Variants in CLEC20A observed in about 807,000 individuals in gnomAD.
The protein encoded by CLEC20A is C-type lectin domain containing 20A.
upstream of CLEC20A, among the ~76,000 whole-genome samples, chr1:178,498,193 G>A (rs752915524): frequency 4.6e-5 from 7 of 151,982 alleles, no homozygotes; most frequent in East Asian, 1.9e-4. Flanking sequence ...GCTTTTCAGT[G>A]AATACACTGA....
chr1:178,485,943 A>G (rs1649130741), intron 5 of CLEC20A, among the ~76,000 whole-genome samples: 1 of 152,188 alleles, frequency 6.6e-6, no homozygotes, highest in Admixed American at 6.5e-5. Flanking sequence ...ACATTTCACT[A>G]GAGAACTGAG....
chr1:178,494,748 C>T (rs1350265659), exon 2 of CLEC20A: 19 of 399,132 alleles, frequency 4.8e-5, no homozygotes, highest in Non-Finnish European at 7.1e-5. Context: ...TGCTGGGCGT[C>T]GTACCAGCTC....
exon 4 of CLEC20A, chr1:178,490,325 C>G (rs1265339645): frequency 2.5e-6 from 1 of 398,592 alleles, no homozygotes; most frequent in African/African-American, 2.1e-5. Context: ...CATCCGTCAC[C>G]ATCTGCAGGT....
chr1:178,483,272 A>G (rs532356788), exon 6 of CLEC20A: 1 of 398,586 alleles, frequency 2.5e-6, no homozygotes, highest in East Asian at 3.6e-5. Flanking sequence ...CACTCCCTAC[A>G]CTGGCCACAG....
At chr1:178,486,424 A>C (rs967723379) in intron 5 of CLEC20A, 18 of 398,744 alleles carry the variant, frequency 4.5e-5, no homozygotes, top group African/African-American at 3.1e-4. Flanking sequence ...CCAGCGACGC[A>C]GACAGGCACC....
At chr1:178,492,661 G>A (rs1649292994) in intron 2 of CLEC20A, 95 bp from the exon 3 acceptor site, 9 of 398,184 alleles carry the variant, frequency 2.3e-5, no homozygotes. Context: ...CTAGCTCAGG[G>A]GCAGACAGGC....
chr1:178,488,783 C>G (rs1299341526), intron 4 of CLEC20A, among the ~76,000 whole-genome samples, 184 bp from the exon 5 acceptor site: 1 of 152,232 alleles, frequency 6.6e-6, no homozygotes, highest in African/African-American at 2.4e-5. Flanking sequence ...ATCTCTAATC[C>G]TCACAGCAAG....
chr1:178,491,256 C>T (rs1438573731), intron 3 of CLEC20A, among the ~76,000 whole-genome samples: 2 of 152,184 alleles, frequency 1.3e-5, no homozygotes, highest in Admixed American at 6.5e-5. Flanking sequence ...TTGCCAACGA[C>T]GTGAGTGGCT....
upstream of CLEC20A, among the ~76,000 whole-genome samples, chr1:178,497,931 A>C (rs1315506382): frequency 6.6e-6 from 1 of 152,022 alleles, no homozygotes. Context: ...TCAGAGGAGC[A>C]AGGGGCAGAA....
At chr1:178,479,835 A>C in intron 7 of CLEC20A, 1 of 329,454 alleles carries the variant, frequency 3.0e-6, no homozygotes, top group Non-Finnish European at 5.4e-6. Context: ...GACAAAGAAC[A>C]CTAAAACAGA....
chr1:178,486,888 G>C (rs911366359), intron 5 of CLEC20A: 1 of 398,100 alleles, frequency 2.5e-6, no homozygotes, highest in African/African-American at 2.1e-5. Context: ...CCGAAGGGCC[G>C]GGTGTTACCG....
At chr1:178,498,082 C>A (rs534945953), upstream of CLEC20A, among the ~76,000 whole-genome samples, 1 of 152,080 alleles carries the variant, frequency 6.6e-6, no homozygotes, top group African/African-American at 2.4e-5. Context: ...TTCACTGGCT[C>A]ACAGGGGAGA....
At chr1:178,481,886 T>C (rs1648995729) in intron 7 of CLEC20A, 1 of 153,626 alleles carries the variant, frequency 6.5e-6, no homozygotes, top group South Asian at 2.1e-4. Context: ...AAGCACTTTA[T>C]ATGGAATATA....
intron 7 of CLEC20A, chr1:178,481,231 ATTCT>A (rs1385830864): frequency 2.0e-5 from 3 of 152,340 alleles, no homozygotes; most frequent in South Asian, 2.1e-4. Context: ...TGTGCTATAC[ATTCT>A]TTATATCAGT....
chr1:178,491,375 C>A (rs1192152110), intron 3 of CLEC20A, among the ~76,000 whole-genome samples: 1 of 152,208 alleles, frequency 6.6e-6, no homozygotes, highest in Non-Finnish European at 1.5e-5. Flanking sequence ...CAAACTCGGA[C>A]ATGAGCCTTT....
chr1:178,493,444 G>T (rs1185551683), intron 2 of CLEC20A: 1 of 152,742 alleles, frequency 6.5e-6, no homozygotes, highest in African/African-American at 2.4e-5. Flanking sequence ...GGCTGACAGA[G>T]GGAGAAGCAG....
exon 1 of CLEC20A, chr1:178,496,906 C>T (rs149957406): frequency 7.9e-4 from 317 of 399,136 alleles, no homozygotes; most frequent in African/African-American, 4.3e-3. Flanking sequence ...TCACCTGCTG[C>T]GCAGAAGGAG....
chr1:178,481,067 A>G (rs961878166), intron 7 of CLEC20A: 2 of 152,208 alleles, frequency 1.3e-5, no homozygotes, highest in African/African-American at 4.8e-5. Context: ...AGCAAAATGT[A>G]CTGAAAGCTC....
upstream of CLEC20A, chr1:178,497,003 G>C: frequency 2.5e-6 from 1 of 399,266 alleles, no homozygotes. Flanking sequence ...CCCGGAGCTG[G>C]CGGGGACTGT....
Sources: gnomAD v4.1 joint callset for allele counts (sites outside exome capture counted in the v4.1 genomes callset) on GRCh38, gnomAD v4.1.1 for gene constraint, MANE v1.5 for transcripts, NCBI Gene and HGNC (gene_info 2026-07-23, HGNC 2026-07-21) for gene names.